Variants in RGS6 observed in about 807,000 individuals in gnomAD.
RGS6 encodes the protein regulator of G-protein signaling 6.
In RGS6, 30 loss-of-function variants were observed where a neutral mutation model predicts 78.5. That is an observed-to-expected ratio of 0.38 (90% CI 0.29 to 0.52). The LOEUF (loss-of-function observed/expected upper bound fraction) is 0.52, where lower values mean the gene tolerates loss of function less well. RGS6 is among the 20% of genes least tolerant of loss of function. The pLI, the probability that RGS6 is intolerant of heterozygous loss-of-function variation, is 0.85. For missense variants in RGS6, 495 were observed against 609.7 expected, an observed-to-expected ratio of 0.81 and a Z score of 1.98; for synonymous variants, 206 against 206.0, an observed-to-expected ratio of 1.00 and a Z score of 0.00.
intron 12 of RGS6, among the ~76,000 whole-genome samples, chr14:72,486,806 A>G (rs942315512): frequency 1.3e-5 from 2 of 152,176 alleles, no homozygotes; most frequent in Non-Finnish European, 2.9e-5. Flanking sequence ...AGCCCAGACT[A>G]AAGAGACAGG....
the RGS6 span, among the ~76,000 whole-genome samples, chr14:72,622,223 A>AAAGAGTTTACTGAGAAGAAGGCC: frequency 6.6e-6 from 1 of 152,324 alleles, no homozygotes. Context: ...CAAGGACCCA[A>AAAGAGTTTACTGAGAAGAAGGCC]AAGAGTTTAC....
chr14:72,060,468 T>G (rs1449226700), intron 2 of RGS6, among the ~76,000 whole-genome samples: 1 of 152,050 alleles, frequency 6.6e-6, no homozygotes, highest in African/African-American at 2.4e-5. Flanking sequence ...GTCTGTCATT[T>G]TCTTATGATG....
intron 16 of RGS6, chr14:72,537,510 C>G: frequency 1.4e-6 from 1 of 702,350 alleles, no homozygotes; most frequent in Non-Finnish European, 2.6e-6. Flanking sequence ...CTGCATCCCT[C>G]CCCACAGGTG....
chr14:72,158,739 C>T (rs2096808944), intron 2 of RGS6, among the ~76,000 whole-genome samples: 1 of 152,218 alleles, frequency 6.6e-6, no homozygotes, highest in South Asian at 2.1e-4. Context: ...TGGATGAATT[C>T]ATTTACCAAA....
At chr14:72,530,552 G>A (rs756928727) in intron 15 of RGS6, among the ~76,000 whole-genome samples, 13 of 152,124 alleles carry the variant, frequency 8.5e-5, no homozygotes, top group Admixed American at 4.6e-4. Flanking sequence ...TTAGCCAGGC[G>A]TGGTGGTGCA....
At chr14:72,192,504 C>T (rs1017828819) in intron 2 of RGS6, among the ~76,000 whole-genome samples, 21 of 152,138 alleles carry the variant, frequency 1.4e-4, no homozygotes, top group African/African-American at 5.1e-4. Context: ...CTCACTCTCT[C>T]AGGAGAAGGT....
intron 1 of RGS6, 92 bp from the exon 2 acceptor site, chr14:71,964,680 C>A: frequency 1.2e-6 from 1 of 816,520 alleles, no homozygotes; most frequent in Non-Finnish European, 1.9e-6. Flanking sequence ...TTGTTCATGG[C>A]ATCTGCCAAA....
chr14:72,545,266 C>G (rs1472569885), intron 17 of RGS6, among the ~76,000 whole-genome samples: 1 of 152,238 alleles, frequency 6.6e-6, no homozygotes, highest in African/African-American at 2.4e-5. Flanking sequence ...TGCAGTGAAA[C>G]CCTGGCCCTG....
At chr14:72,241,151 G>GTTT (rs559572539) in intron 2 of RGS6, among the ~76,000 whole-genome samples, 436 of 110,710 alleles carry the variant, frequency 3.9e-3, no homozygotes, top group African/African-American at 0.013. Flanking sequence ...GCGAGACTCT[G>GTTT]TCTCAAAAAA....
chr14:72,340,647 C>T (rs2076823145), intron 2 of RGS6, among the ~76,000 whole-genome samples: 2 of 152,174 alleles, frequency 1.3e-5, no homozygotes, highest in Admixed American at 1.3e-4. Context: ...CTCTTTAAGC[C>T]TTCTCAAGGC....
rs535186556 is a variant in RGS6, at chr14:72,413,455, T to C, written c.185-41073T>C. On this transcript the variant is annotated intron_variant, in intron 3 of 17. Coordinates refer to ENST00000553525, the MANE Select transcript of RGS6 (RefSeq NM_001204424.2). ...CCTCCATCCCTTTATTTTGAGCCTA[T>C]GTGTGTCTCTGCACGTGAGATGGGT... is the stretch of plus-strand genomic sequence containing the variant. 4.7e-3 allele frequency among the ~76,000 whole-genome samples: 711 copies of C among 152,348 alleles called. 2 individuals carry two copies. Among genetic ancestry groups the C allele is most frequent in the African/African-American group, 0.015 (640 of 41,580 alleles).
chr14:71,959,192 G>A (rs147533697), intron 1 of RGS6, among the ~76,000 whole-genome samples: 1 of 152,308 alleles, frequency 6.6e-6, no homozygotes, highest in Non-Finnish European at 1.5e-5. Flanking sequence ...GTTATTTAGA[G>A]CTGTTGTTCT....
At chr14:72,628,754 A>G in the RGS6 span, among the ~76,000 whole-genome samples, 1 of 152,174 alleles carries the variant, frequency 6.6e-6, no homozygotes, top group Non-Finnish European at 1.5e-5. Flanking sequence ...AACAATTGAC[A>G]AGAAATTCAA....
At chr14:72,419,465 G>A (rs2094038052) in intron 3 of RGS6, among the ~76,000 whole-genome samples, 1 of 152,200 alleles carries the variant, frequency 6.6e-6, no homozygotes, top group Non-Finnish European at 1.5e-5. Context: ...GGCCTGAATT[G>A]TAGGAGAGAG....
intron 3 of RGS6, among the ~76,000 whole-genome samples, chr14:72,446,059 GAC>G (rs1469154651): frequency 1.3e-5 from 2 of 152,156 alleles, no homozygotes; most frequent in Admixed American, 6.5e-5. Flanking sequence ...AGAAGTTAGA[GAC>G]CAGCCTGAGT....
intron 12 of RGS6, 115 bp downstream of exon 12, chr14:72,478,444 T>C (rs987924179): frequency 1.3e-6 from 1 of 764,776 alleles, no homozygotes; most frequent in African/African-American, 1.7e-5. Context: ...TAGTTATTCC[T>C]TAGACTGGGG....
At chr14:72,312,877 CA>C (rs1263856486) in intron 2 of RGS6, among the ~76,000 whole-genome samples, 1 of 152,184 alleles carries the variant, frequency 6.6e-6, no homozygotes, top group African/African-American at 2.4e-5. Context: ...TAAATAGCCC[CA>C]GTGCTCACTT....
At chr14:72,222,426 C>T (rs554463601) in intron 2 of RGS6, among the ~76,000 whole-genome samples, 1 of 152,332 alleles carries the variant, frequency 6.6e-6, no homozygotes, top group African/African-American at 2.4e-5. Flanking sequence ...TCAGCAGTAG[C>T]ATGTGCCCTG....
intron 2 of RGS6, among the ~76,000 whole-genome samples, chr14:72,214,724 T>C (rs1299220982): frequency 1.3e-5 from 2 of 151,948 alleles, no homozygotes; most frequent in Non-Finnish European, 2.9e-5. Flanking sequence ...CTTGGGAGGC[T>C]GAGGTAGGAG....
Sources: allele counts gnomAD v4.1 joint callset (sites outside exome capture counted in the v4.1 genomes callset), GRCh38; gene constraint gnomAD v4.1.1; transcripts MANE v1.5; gene names NCBI Gene and HGNC (gene_info 2026-07-23, HGNC 2026-07-21).